Variants in CRB1 observed in about 807,000 individuals in gnomAD.
CRB1 encodes crumbs cell polarity complex component 1.
Under a neutral mutation model 120.0 loss-of-function variants are expected in CRB1, and 83 were observed. That is an observed-to-expected ratio of 0.69 (90% CI 0.58 to 0.83). The LOEUF (loss-of-function observed/expected upper bound fraction) is 0.83, where lower values mean the gene tolerates loss of function less well. Ranked by LOEUF, CRB1 falls within the 40% of genes least tolerant of loss-of-function variation. CRB1 has a pLI of 0.00. For missense variants in CRB1, 1,699 were observed against 1,687.6 expected (o/e 1.01, Z -0.12); for synonymous variants, 625 against 612.5 (o/e 1.02, Z -0.30).
intron 1 of CRB1, among the ~76,000 whole-genome samples, chr1:197,313,933 G>T (rs1021232431): frequency 6.6e-6 from 1 of 152,178 alleles, no homozygotes; most frequent in African/African-American, 2.4e-5. Context: ...GTTAGTATTT[G>T]TAGGTCTGGT....
chr1:197,417,175 C>CT (rs1664050500), intron 5 of CRB1, among the ~76,000 whole-genome samples: 1 of 152,156 alleles, frequency 6.6e-6, no homozygotes, highest in African/African-American at 2.4e-5. Flanking sequence ...GTGACCATAG[C>CT]TTCCAGGAGT....
chr1:197,204,624 AT>A, the CRB1 span, among the ~76,000 whole-genome samples: 2 of 151,554 alleles, frequency 1.3e-5, no homozygotes, highest in South Asian at 2.1e-4. Flanking sequence ...TTTTGATGGA[AT>A]TTTTTTTCTT....
chr1:197,222,768 C>A, the CRB1 span: 1 of 1,120,346 alleles, frequency 8.9e-7, no homozygotes, highest in Non-Finnish European at 1.4e-6. Flanking sequence ...TCTTTCTGAA[C>A]TCCAAGTGCT....
At chr1:197,263,132 T>A in the CRB1 span, among the ~76,000 whole-genome samples, 1 of 152,184 alleles carries the variant, frequency 6.6e-6, no homozygotes, top group Admixed American at 6.5e-5. Context: ...CTGAACTAAT[T>A]TACATTCCCA....
intron 1 of CRB1, among the ~76,000 whole-genome samples, chr1:197,288,842 A>G (rs1453005460): frequency 6.6e-6 from 1 of 151,800 alleles, no homozygotes; most frequent in East Asian, 1.9e-4. Flanking sequence ...CACCCACAAA[A>G]CTGTGACAAC....
At chr1:197,409,243 T>C (rs1202048025) in intron 5 of CRB1, among the ~76,000 whole-genome samples, 1 of 152,212 alleles carries the variant, frequency 6.6e-6, no homozygotes, top group Non-Finnish European at 1.5e-5. Context: ...AATCTTAATA[T>C]ACAAAATAAG....
intron 3 of CRB1, among the ~76,000 whole-genome samples, chr1:197,345,366 AAAGG>A (rs1659703736): frequency 6.6e-6 from 1 of 152,184 alleles, no homozygotes; most frequent in Non-Finnish European, 1.5e-5. Context: ...ATTCTTTGCA[AAAGG>A]AAGACCAGAA....
rs1447630642 is a variant in CRB1 at position 197,421,606 on chromosome 1, C to T, written c.1778C>T (p.Ala593Val). The part of the protein sequence containing the change: ...IDDSCKEKCI[A>V]KAPTPLESDQ... ...GACTCCTGTAAGGAGAAATGCATCG[C>T]GAAAGCTCCTACTCCACTTGAAAGT... Residue 593 changes from alanine to valine, a missense_variant, in exon 6 of 12, where the codon GCG (alanine) becomes GTG (valine). Ala to Val is a moderately conservative substitution (Grantham distance 64). Transcript: ENST00000367400. The T allele has an allele frequency of 8.1e-6, 13 of 1,614,050 alleles. No individual in the cohort carries two copies. The Admixed American group carries it at 1.5e-4, about 19-fold the overall frequency.
intron 1 of CRB1, among the ~76,000 whole-genome samples, chr1:197,323,261 T>C (rs969198110): frequency 2.0e-5 from 3 of 152,170 alleles, no homozygotes; most frequent in East Asian, 1.9e-4. Flanking sequence ...AAGTCTCTAG[T>C]AGAGATATTA....
At position 197,435,546 on chromosome 1, in the gene CRB1, C is replaced by G. The variant is rs147924782; in HGVS notation, c.3683C>G (p.Thr1228Ser). 6.2e-7 allele frequency: 1 copy of G among 1,613,288 alleles called. No individual in the cohort carries two copies. The highest frequency in any genetic ancestry group is 8.5e-7 in the Non-Finnish European group (1 of 1,179,660). ...CQSHQCANGA[T>S]CISHTNGYSC... ...AGTCACCAGTGTGCAAATGGAGCCA[C>G]CTGCATTAGTCATACTAATGGCTAT... The change falls in exon 9 of 12, where the codon ACC becomes AGC. Residue 1228 changes from threonine (T) to serine (S), a missense_variant. Thr to Ser is a moderately conservative substitution (Grantham distance 58). Coordinates refer to ENST00000367400, the MANE Select transcript of CRB1 (RefSeq NM_201253.3).
At chr1:197,452,426 A>G (rs768761978) in intron 11 of CRB1, among the ~76,000 whole-genome samples, 16 of 152,232 alleles carry the variant, frequency 1.1e-4, no homozygotes, top group Non-Finnish European at 1.5e-4. Flanking sequence ...ATCAATTGTC[A>G]TTATATAGGC....
At chr1:197,355,854 G>A (rs1270133430) in intron 4 of CRB1, among the ~76,000 whole-genome samples, 3 of 152,360 alleles carry the variant, frequency 2.0e-5, no homozygotes, top group African/African-American at 4.8e-5. Context: ...ATGCAACGGT[G>A]GGCTGAAGGG....
intron 1 of CRB1, among the ~76,000 whole-genome samples, chr1:197,289,552 G>T (rs542862806): frequency 6.6e-6 from 1 of 151,688 alleles, no homozygotes; most frequent in Admixed American, 6.6e-5. Context: ...CACAAACCTC[G>T]TGGGTTTGGG....
rs116770857 is a variant in CRB1 at position 197,322,733 on chromosome 1, C to T, written c.71-5689C>T. On this transcript the variant is annotated intron_variant, in intron 1 of 11. Coordinates refer to ENST00000367400, the MANE Select transcript of CRB1 (RefSeq NM_201253.3). ...TTACCATAAATGCCAAGTCTGAGGC[C>T]CCACTCCTCCTGACTCTGCAAGGTT... Among the ~76,000 whole-genome samples, 775 of 152,108 alleles carry T rather than the reference C, an allele frequency of 5.1e-3. 10 individuals carry two copies. The highest frequency in any genetic ancestry group is 0.018 in the African/African-American group (727 of 41,502).
chr1:197,403,400 G>A (rs1663166635), intron 5 of CRB1, among the ~76,000 whole-genome samples: 1 of 152,156 alleles, frequency 6.6e-6, no homozygotes, highest in African/African-American at 2.4e-5. Flanking sequence ...AGATGAATAT[G>A]AGTAAAGGTT....
the CRB1 span, among the ~76,000 whole-genome samples, chr1:197,260,380 A>T: frequency 6.6e-6 from 1 of 152,180 alleles, no homozygotes; most frequent in Non-Finnish European, 1.5e-5. Context: ...TGTAAGTTAG[A>T]TCATTCATAA....
At chr1:197,208,797 A>G in the CRB1 span, among the ~76,000 whole-genome samples, 1 of 152,124 alleles carries the variant, frequency 6.6e-6, no homozygotes, top group East Asian at 1.9e-4. Flanking sequence ...GCTCCCAAAG[A>G]ACTATGTGCA....
intron 11 of CRB1, among the ~76,000 whole-genome samples, chr1:197,465,017 A>G (rs548521761): frequency 1.1e-3 from 174 of 152,332 alleles, no homozygotes; most frequent in African/African-American, 3.8e-3. Context: ...TTCCTTGGGC[A>G]AGGGTCTCAA....
chr1:197,353,796 G>A (rs1480721957), intron 4 of CRB1, among the ~76,000 whole-genome samples: 12 of 126,544 alleles, frequency 9.5e-5, no homozygotes, highest in African/African-American at 1.6e-4. Flanking sequence ...GTGAGACTCC[G>A]TCTCAAAAAT....
Sources: gnomAD v4.1 joint callset for allele counts (sites outside exome capture counted in the v4.1 genomes callset) on GRCh38, gnomAD v4.1.1 for gene constraint, MANE v1.5 for transcripts, NCBI Gene and HGNC (gene_info 2026-07-23, HGNC 2026-07-21) for gene names.